Variants in DLG4 observed in about 807,000 individuals in gnomAD.
DLG4 encodes the protein discs large MAGUK scaffold protein 4.
Under a neutral mutation model 93.8 loss-of-function variants are expected in DLG4, and 7 were observed. The observed-to-expected ratio is 0.07, with a 90% CI of 0.04 to 0.14. The LOEUF (loss-of-function observed/expected upper bound fraction) is 0.14. Among genes scored for constraint, DLG4 ranks in the 10% least tolerant of loss-of-function variants. The pLI, the probability that DLG4 is intolerant of heterozygous loss-of-function variation, is 1.00. For missense variants in DLG4, 545 were observed against 992.9 expected (o/e 0.55, Z 6.06); for synonymous variants, 341 against 387.6 (o/e 0.88, Z 1.41).
At position 7,208,310 on chromosome 17, in the gene DLG4, G is replaced by A. The variant is rs2070572392; in HGVS notation, c.31-71C>T. On this transcript the variant is annotated intron_variant, in intron 1 of 19. Coordinates refer to ENST00000399506, the MANE Select transcript of DLG4 (RefSeq NM_001321075.3). This position sits in a 1 kb window ranked among gnomAD's most constrained non-coding sequence, Gnocchi z 5.4. ...AGGCTCCAGGCTGGCCGCCCTGGCC[G>A]CCGCCTCTTCCCCCAGCCAGTGCAG... is the stretch of plus-strand genomic sequence containing the variant. The A allele has an allele frequency of 1.6e-6, 2 of 1,260,190 alleles. No homozygotes were observed. The highest frequency in any genetic ancestry group is 3.3e-5 in the South Asian group (1 of 30,666). 78.1% of individuals were successfully genotyped at this position (1,260,190 alleles called of 1,614,324 possible). A position where few individuals can be genotyped will look rare whatever the true frequency, so the allele number is the denominator to read the frequency against.
intron 1 of DLG4, chr17:7,211,765 AGG>A (rs1176308382): frequency 2.7e-5 from 1 of 36,788 alleles, no homozygotes; most frequent in Non-Finnish European, 5.1e-5. Flanking sequence ...GGGTTGGGGG[AGG>A]GGGAGGGGCA....
At position 7,203,333 on chromosome 17, in the gene DLG4, G is replaced by A; in HGVS notation, c.506-4C>T. 1 of 1,594,914 alleles carries A rather than the reference G, an allele frequency of 6.3e-7. No homozygotes were observed. ...CCTGCGATGCTGAAGCCAAGACCTGGATGGAGGGGAGGCCAGAGGTGGGTG... is the reference window on the plus strand; with the variant it reads ...CCTGCGATGCTGAAGCCAAGACCTGAATGGAGGGGAGGCCAGAGGTGGGTG... On this transcript the variant is annotated splice_polypyrimidine_tract_variant and splice_region_variant and intron_variant, in intron 6 of 19. Coordinates refer to ENST00000399506, the MANE Select transcript of DLG4 (RefSeq NM_001321075.3). The surrounding 1 kb of genome is among the most constrained non-coding windows in gnomAD (Gnocchi z 7.2).
rs1209403448 is a variant in DLG4, at chr17:7,208,043, G to A, written c.96+131C>T. On this transcript the variant is annotated intron_variant, in intron 2 of 19. Transcript: ENST00000399506. This position sits in a 1 kb window ranked among gnomAD's most constrained non-coding sequence, Gnocchi z 5.4. ...CTGCAGCTCCGAGGCTCCGAGGGCC[G>A]CACTGGGGAGGGGGCCACCAGGGTC... is the stretch of plus-strand genomic sequence containing the variant. The A allele has an allele frequency of 5.5e-6, 7 of 1,283,392 alleles. No individual in the cohort carries two copies. Among genetic ancestry groups the A allele is most frequent in the African/African-American group, 4.6e-5 (3 of 65,764 alleles). 79.5% of individuals were successfully genotyped at this position (1,283,392 alleles called of 1,614,324 possible).
chr17:7,202,476 T>C (rs1325992241), intron 8 of DLG4, among the ~76,000 whole-genome samples: 5 of 152,248 alleles, frequency 3.3e-5, no homozygotes, highest in Admixed American at 1.3e-4. Flanking sequence ...CCATGTTTGC[T>C]TTGCTACTAT....
Position 7,206,439 on chromosome 17 carries a change from C to T in DLG4, c.96+1735G>A, listed in dbSNP as rs1018603177. Among the ~76,000 whole-genome samples, 10 of 152,038 alleles carry T rather than the reference C, an allele frequency of 6.6e-5. No individual in the cohort carries two copies. In the South Asian group the frequency reaches 2.1e-3, roughly 32 times the overall value. ...TGAGACCTCCACCCCATGCTTATGG[C>T]CTCCAACACTCTCTCCCTCCACCCC... is the stretch of plus-strand genomic sequence containing the variant. On this transcript the variant is annotated intron_variant, in intron 2 of 19. Coordinates refer to ENST00000399506, the MANE Select transcript of DLG4 (RefSeq NM_001321075.3).
At chr17:7,213,885 G>A in intron 1 of DLG4, 1 of 471,038 alleles carries the variant, frequency 2.1e-6, no homozygotes, top group South Asian at 1.5e-5. Context: ...TATCTGGTAG[G>A]AAGGCTTGGA....
Position 7,191,570 on chromosome 17 carries a change from G to A in DLG4, c.1977-212C>T. ...CCCAGCCAGGTGTGGCTACTCCAGG[G>A]ACATCTACGGAGCTTCATCCTTCCA... On this transcript the variant is annotated intron_variant, in intron 18 of 19. Transcript: ENST00000399506. The surrounding 1 kb of genome is among the most constrained non-coding windows in gnomAD (Gnocchi z 6.6). The A allele has an allele frequency of 1.7e-6, 1 of 603,948 alleles. No homozygotes were observed. 37.4% of individuals were successfully genotyped at this position (603,948 alleles called of 1,614,324 possible).
At chr17:7,219,571 C>T (rs1300525892), upstream of DLG4, 1 of 1,120,090 alleles carries the variant, frequency 8.9e-7, no homozygotes, top group Non-Finnish European at 1.1e-6. Flanking sequence ...CTTTCCATGT[C>T]TCTGCCTCTG....
chr17:7,218,527 A>T, upstream of DLG4: 1 of 1,554,578 alleles, frequency 6.4e-7, no homozygotes. Context: ...TCCCTCAGAA[A>T]ACGGGCTACT....
chr17:7,191,754 G>T lies in DLG4; in HGVS notation c.1976+139C>A. The T allele has an allele frequency of 1.6e-6, 1 of 619,620 alleles. No individual in the cohort carries two copies. Among genetic ancestry groups the T allele is most frequent in the Non-Finnish European group, 2.8e-6 (1 of 356,966 alleles). The allele number at this position is 619,620 out of a possible 1,614,324, so 38.4% of individuals were successfully genotyped here. A position where few individuals can be genotyped will look rare whatever the true frequency, so the allele number is the denominator to read the frequency against. Reference sequence around the variant, plus strand: ...AAGACCCGATTCCCCCACATCCTCTGGGTTCCAGGGATCCCCCTCAGGGGC... The same window carrying T: ...AAGACCCGATTCCCCCACATCCTCTTGGTTCCAGGGATCCCCCTCAGGGGC... On this transcript the variant is annotated intron_variant, in intron 18 of 19. Transcript: ENST00000399506. The surrounding 1 kb of genome is among the most constrained non-coding windows in gnomAD (Gnocchi z 6.6).
At chr17:7,219,995 C>T (rs1019684161), upstream of DLG4, 1 of 1,603,222 alleles carries the variant, frequency 6.2e-7, no homozygotes, top group Admixed American at 1.7e-5. Flanking sequence ...ATGCAGGCGG[C>T]TCGGATGGCC....
intron 8 of DLG4, among the ~76,000 whole-genome samples, chr17:7,199,384 A>G (rs1313905433): frequency 6.6e-6 from 1 of 151,960 alleles, no homozygotes; most frequent in Non-Finnish European, 1.5e-5. Flanking sequence ...TATTTTTAGT[A>G]GAGACGGGGT....
Position 7,199,121 on chromosome 17 carries a change from C to T in DLG4, c.788-2069G>A, listed in dbSNP as rs533675146. On this transcript the variant is annotated intron_variant, in intron 8 of 19. Transcript: ENST00000399506. ...CATGAAAGGGAGGATAAATGCATGCCTCTCTCTGCATGCCTCTTTCCATTC... is the reference window on the plus strand; with the variant it reads ...CATGAAAGGGAGGATAAATGCATGCTTCTCTCTGCATGCCTCTTTCCATTC... 2.0e-5 allele frequency among the ~76,000 whole-genome samples: 3 copies of T among 152,304 alleles called. 1 individual carries two copies. The highest frequency in any genetic ancestry group is 4.1e-4 in the South Asian group (2 of 4,828).
intron 2 of DLG4, among the ~76,000 whole-genome samples, chr17:7,205,870 C>T (rs1238853082): frequency 6.6e-6 from 1 of 151,370 alleles, no homozygotes; most frequent in Non-Finnish European, 1.5e-5. Flanking sequence ...ATCCCCATCC[C>T]TATCCTGGAA....
In DLG4 at chr17:7,196,534, A is replaced by T; in HGVS notation, c.1125T>A (p.Ala375=). ...GACCCGCATTCTTCAGGGCAATGGC[A>T]GCCTGCTCATGGCTGGCATTTCGGA... is the stretch of plus-strand genomic sequence containing the variant. ...VDLRNASHEQ[A]AIALKNAGQT... is the part of the protein sequence containing the mutation. The change falls in exon 10 of 20, where the codon GCT becomes GCA. Residue 375 remains alanine, a synonymous_variant. Transcript: ENST00000399506. The surrounding 1 kb of genome is among the most constrained non-coding windows in gnomAD (Gnocchi z 8.3). 6.2e-7 allele frequency: 1 copy of T among 1,614,050 alleles called. No individual in the cohort carries two copies. Among genetic ancestry groups the T allele is most frequent in the East Asian group, 2.2e-5 (1 of 44,884 alleles).
At position 7,217,194 on chromosome 17, in the gene DLG4, C is replaced by G; in HGVS notation, c.-47G>C. 1 of 1,268,336 alleles carries G rather than the reference C, an allele frequency of 7.9e-7. No homozygotes were observed. The highest frequency in any genetic ancestry group is 1.0e-6 in the Non-Finnish European group (1 of 1,000,302). 78.6% of individuals were successfully genotyped at this position (1,268,336 alleles called of 1,614,324 possible). A position where few individuals can be genotyped will look rare whatever the true frequency, so the allele number is the denominator to read the frequency against. ...GGCGGGTAAGGGGCTCTGACTTCAT[C>G]GGAGTTTCGTTCCTCCCCTCCGTGG... On this transcript the variant is annotated 5_prime_UTR_variant, in exon 1 of 20. Coordinates refer to ENST00000399506, the MANE Select transcript of DLG4 (RefSeq NM_001321075.3).
chr17:7,202,722 T>G lies in DLG4; in HGVS notation c.787+181A>C, dbSNP rs986328454. On this transcript the variant is annotated intron_variant, in intron 8 of 19. Coordinates refer to ENST00000399506, the MANE Select transcript of DLG4 (RefSeq NM_001321075.3). ...CAGGAGAGAGATCGTTGACGATCTT[T>G]TCTAGTTCTTTTATGGTAATTGATT... 4.7e-5 allele frequency: 38 copies of G among 802,010 alleles called. No individual in the cohort carries two copies. The African/African-American group carries it at 5.9e-4, about 12-fold the overall frequency. The allele number at this position is 802,010 out of a possible 1,614,324, so 49.7% of individuals were successfully genotyped here. A position where few individuals can be genotyped will look rare whatever the true frequency, so the allele number is the denominator to read the frequency against.
At chr17:7,204,704 A>G (rs960436870) in intron 2 of DLG4, among the ~76,000 whole-genome samples, 3 of 149,802 alleles carry the variant, frequency 2.0e-5, no homozygotes, top group Non-Finnish European at 4.5e-5. Context: ...CCTGGTCCCC[A>G]TTTCCTGCCC....
rs2069733412 is a variant in DLG4, at chr17:7,195,609, T to G, written c.1301+611A>C. ...AAGTGCAGGTCTTGACCTCTGGAAA[T>G]AGGTCAGCCAGGGCCAGCACCTCCG... On this transcript the variant is annotated intron_variant, in intron 11 of 19. Coordinates refer to ENST00000399506, the MANE Select transcript of DLG4 (RefSeq NM_001321075.3). This position sits in a 1 kb window ranked among gnomAD's most constrained non-coding sequence, Gnocchi z 4.3. 6.6e-6 allele frequency among the ~76,000 whole-genome samples: 1 copy of G among 151,070 alleles called. No individual in the cohort carries two copies. Among genetic ancestry groups the G allele is most frequent in the Admixed American group, 6.6e-5 (1 of 15,218 alleles).
Sources: gnomAD v4.1 joint callset for allele counts (sites outside exome capture counted in the v4.1 genomes callset) on GRCh38, gnomAD v4.1.1 for gene constraint, Gnocchi (gnomAD v3.1) non-coding constraint, MANE v1.5 for transcripts, NCBI Gene and HGNC (gene_info 2026-07-23, HGNC 2026-07-21) for gene names.